Variants in FILIP1 observed in about 807,000 individuals in gnomAD.
FILIP1 encodes the protein filamin-A-interacting protein 1.
In FILIP1, 61 loss-of-function variants were observed where a neutral mutation model predicts 102.1. The observed-to-expected ratio is 0.60, with a 90% CI of 0.49 to 0.74. The LOEUF (loss-of-function observed/expected upper bound fraction) is 0.74, where lower values mean the gene tolerates loss of function less well. FILIP1 is among the 30% of genes least tolerant of loss of function. FILIP1 has a pLI of 0.00. For missense variants in FILIP1, 1,314 were observed against 1,441.2 expected (o/e 0.91, Z 1.43); for synonymous variants, 491 against 526.9 (o/e 0.93, Z 0.93).
intron 2 of FILIP1, chr6:75,384,794 C>CT (rs34553296): frequency 0.017 from 2,216 of 127,916 alleles, 66 homozygotes; most frequent in African/African-American, 0.054. Flanking sequence ...AATTTAATTG[C>CT]TTTTTTTTTT....
At chr6:75,388,727 G>A (rs1184792376) in intron 2 of FILIP1, among the ~76,000 whole-genome samples, 1 of 152,156 alleles carries the variant, frequency 6.6e-6, no homozygotes, top group Admixed American at 6.5e-5. Context: ...TATTGATTTT[G>A]TATCTTAGAC....
chr6:75,428,828 T>C (rs1433613324), intron 1 of FILIP1, among the ~76,000 whole-genome samples: 2 of 152,190 alleles, frequency 1.3e-5, no homozygotes, highest in African/African-American at 4.8e-5. Flanking sequence ...GTGTGTGTGC[T>C]TAATGAGACA....
In FILIP1 at chr6:75,314,431, T is replaced by C. The variant is rs769646566; in HGVS notation, c.1401A>G (p.Leu467=). 1 of 1,564,902 alleles carries C rather than the reference T, an allele frequency of 6.4e-7. No individual in the cohort carries two copies. The highest frequency in any genetic ancestry group is 1.7e-4 in the Middle Eastern group (1 of 5,796). ...EKEKNLTKDL[L]NELEVVKSRV... ...GACTCTTGACCACCTCCAATTCATT[T>C]AGCAGGTCTTTGGTTAAGTTCTTTT... Residue 467 remains leucine (L), a synonymous_variant, in exon 5 of 6, where the codon CTA becomes CTG. Coordinates refer to ENST00000237172, the MANE Select transcript of FILIP1 (RefSeq NM_015687.5).
chr6:75,438,796 A>G, intron 1 of FILIP1, among the ~76,000 whole-genome samples: 1 of 152,228 alleles, frequency 6.6e-6, no homozygotes, highest in East Asian at 1.9e-4. Flanking sequence ...CTAGAATGCA[A>G]CTAGTGGAAG....
intron 3 of FILIP1, among the ~76,000 whole-genome samples, chr6:75,354,148 A>G (rs1774906455): frequency 6.6e-6 from 1 of 152,258 alleles, no homozygotes; most frequent in Non-Finnish European, 1.5e-5. Flanking sequence ...AATATGGGTC[A>G]TAGGATATGT....
At chr6:75,327,139 CA>C (rs1468366883) in intron 4 of FILIP1, among the ~76,000 whole-genome samples, 1 of 152,202 alleles carries the variant, frequency 6.6e-6, no homozygotes, top group Non-Finnish European at 1.5e-5. Context: ...ACATCTTCCT[CA>C]AATCAGTCAC....
intron 1 of FILIP1, chr6:75,455,367 A>T (rs1778792269): frequency 1.3e-5 from 2 of 148,244 alleles, no homozygotes; most frequent in African/African-American, 2.5e-5. Context: ...AAAAAAAAAA[A>T]TAAAATTGTG....
At chr6:75,422,131 A>T (rs1193707920) in intron 1 of FILIP1, among the ~76,000 whole-genome samples, 3 of 151,994 alleles carry the variant, frequency 2.0e-5, no homozygotes, top group Non-Finnish European at 2.9e-5. Flanking sequence ...TAATGACATA[A>T]TTTTTTCTGG....
At chr6:75,404,428 A>G (rs531284539) in intron 2 of FILIP1, among the ~76,000 whole-genome samples, 1 of 152,034 alleles carries the variant, frequency 6.6e-6, no homozygotes, top group African/African-American at 2.4e-5. Flanking sequence ...CTTTCACTGC[A>G]CCCACTTGGA....
At chr6:75,397,662 A>C (rs531076420) in intron 2 of FILIP1, among the ~76,000 whole-genome samples, 2 of 151,982 alleles carry the variant, frequency 1.3e-5, no homozygotes, top group Admixed American at 1.3e-4. Context: ...TTTAAAGTTC[A>C]AAAACAGTAA....
At chr6:75,321,229 T>G (rs900242304) in intron 4 of FILIP1, among the ~76,000 whole-genome samples, 4 of 152,090 alleles carry the variant, frequency 2.6e-5, no homozygotes, top group Non-Finnish European at 4.4e-5. Context: ...TTTTGTTTTG[T>G]TTTGTTTTTT....
chr6:75,475,677 T>C (rs1375321486), intron 1 of FILIP1, among the ~76,000 whole-genome samples: 2 of 152,138 alleles, frequency 1.3e-5, no homozygotes, highest in Non-Finnish European at 2.9e-5. Flanking sequence ...AAAAAATTAT[T>C]TTATGAGCCT....
chr6:75,474,643 C>T (rs562662236), intron 1 of FILIP1, among the ~76,000 whole-genome samples: 1 of 152,108 alleles, frequency 6.6e-6, no homozygotes, highest in African/African-American at 2.4e-5. Flanking sequence ...ACATTAGGTT[C>T]CCCAGAGCTT....
intron 1 of FILIP1, among the ~76,000 whole-genome samples, chr6:75,425,905 C>T (rs1279985522): frequency 6.6e-6 from 1 of 152,140 alleles, no homozygotes; most frequent in African/African-American, 2.4e-5. Flanking sequence ...ATATAGGTAG[C>T]ACCAGGGACA....
chr6:75,484,982 G>A (rs1779743500), intron 1 of FILIP1, among the ~76,000 whole-genome samples: 1 of 151,698 alleles, frequency 6.6e-6, no homozygotes, highest in African/African-American at 2.4e-5. Flanking sequence ...ATTGAATGAG[G>A]AAAAAAATAC....
chr6:75,388,063 G>A (rs1443568904), intron 2 of FILIP1, among the ~76,000 whole-genome samples: 3 of 152,084 alleles, frequency 2.0e-5, no homozygotes, highest in African/African-American at 4.8e-5. Context: ...TTTTGTATAA[G>A]GTGTAAGGAA....
rs1772776736 is a variant in FILIP1, at chr6:75,299,446, A to G, written c.3494-3496T>C. ...CCTCTGTCAGCAAACTCAAAATAGC[A>G]AAGCACTTAAATTTGGGACCCTCTG... On this transcript the variant is annotated intron_variant, in intron 6 of 6. Coordinates refer to the FILIP1 transcript ENST00000393004. 2.0e-5 allele frequency among the ~76,000 whole-genome samples: 3 copies of G among 152,202 alleles called. No homozygotes were observed. The South Asian group carries it at 6.2e-4, about 31-fold the overall frequency.
intron 1 of FILIP1, among the ~76,000 whole-genome samples, chr6:75,469,605 C>T (rs1344837811): frequency 2.0e-5 from 3 of 152,000 alleles, no homozygotes; most frequent in African/African-American, 7.2e-5. Context: ...AAATTTCAAG[C>T]TGGACTGCAT....
chr6:75,315,028 T>C lies in FILIP1; in HGVS notation c.804A>G (p.Val268=), dbSNP rs1773385875. The change falls in exon 5 of 6, where the codon GTA becomes GTG. Residue 268 remains valine (V), a synonymous_variant. Coordinates refer to ENST00000237172, the MANE Select transcript of FILIP1 (RefSeq NM_015687.5). ...CCCTCAGCTTCTGAGTAAGATCCTGTACTTTCTGGCTTTGCAGGCCAAGTT... is the reference window on the plus strand; with the variant it reads ...CCCTCAGCTTCTGAGTAAGATCCTGCACTTTCTGGCTTTGCAGGCCAAGTT... ...IEQLGLQSQK[V]QDLTQKLREE... The C allele has an allele frequency of 6.2e-7, 1 of 1,614,032 alleles. No homozygotes were observed. The highest frequency in any genetic ancestry group is 1.1e-5 in the South Asian group (1 of 91,056).
Sources: gnomAD v4.1 joint callset for allele counts (sites outside exome capture counted in the v4.1 genomes callset) on GRCh38, gnomAD v4.1.1 for gene constraint, MANE v1.5 for transcripts, NCBI Gene and HGNC (gene_info 2026-07-23, HGNC 2026-07-21) for gene names.